The following JAZF1 variants were observed in gnomAD, a reference collection of about 807,000 sequenced individuals.
The protein encoded by JAZF1 is JAZF zinc finger 1.
A neutral mutation model predicts 26.4 loss-of-function variants in JAZF1; 8 were observed. The ratio of observed to expected loss-of-function variants is 0.30; its 90% CI spans 0.18 to 0.55. The LOEUF (loss-of-function observed/expected upper bound fraction) is 0.55, where lower values mean the gene tolerates loss of function less well. Among genes scored for constraint, JAZF1 ranks in the 20% least tolerant of loss-of-function variants. The probability of loss-of-function intolerance (pLI) is 0.94; values close to 1 mark genes in which losing one functional copy is unlikely to be tolerated. For missense variants in JAZF1, 199 were observed against 322.0 expected (o/e 0.62, Z 2.92); for synonymous variants, 126 against 122.3 (o/e 1.03, Z -0.20).
intron 2 of JAZF1, among the ~76,000 whole-genome samples, chr7:27,899,294 C>T (rs139898342): frequency 0.01 from 1,544 of 152,294 alleles, 33 homozygotes; most frequent in African/African-American, 0.035. Context: ...CCCTGTTTCA[C>T]CAAATATCAG....
At chr7:27,978,830 T>G (rs1327451771) in intron 2 of JAZF1, among the ~76,000 whole-genome samples, 2 of 151,686 alleles carry the variant, frequency 1.3e-5, no homozygotes, top group African/African-American at 4.8e-5. Context: ...AAGACCACAG[T>G]ACCCTATACT....
In JAZF1 at chr7:27,830,791, A is replaced by G. The variant is rs917520509; in HGVS notation, c.*2009T>C. On this transcript the variant is annotated 3_prime_UTR_variant, in exon 5 of 5. Coordinates refer to ENST00000283928, the MANE Select transcript of JAZF1 (RefSeq NM_175061.4). Reference sequence around the variant, plus strand: ...GTACAATACATTCACTATACACAGTATAACAAAATATTCCCATCCTTACCT... The same window carrying G: ...GTACAATACATTCACTATACACAGTGTAACAAAATATTCCCATCCTTACCT... 4 of 203,106 alleles carry G rather than the reference A, an allele frequency of 2.0e-5. No homozygotes were observed. Among genetic ancestry groups the G allele is most frequent in the Non-Finnish European group, 4.1e-5 (4 of 98,662 alleles). 12.6% of individuals were successfully genotyped at this position (203,106 alleles called of 1,614,324 possible). A position where few individuals can be genotyped will look rare whatever the true frequency, so the allele number is the denominator to read the frequency against.
At chr7:28,013,027 G>A (rs1782823395) in intron 1 of JAZF1, among the ~76,000 whole-genome samples, 1 of 152,136 alleles carries the variant, frequency 6.6e-6, no homozygotes, top group South Asian at 2.1e-4. Context: ...GAAACCTCCT[G>A]ATGGGCATTC....
chr7:28,153,529 A>G (rs1184636010), intron 1 of JAZF1, among the ~76,000 whole-genome samples: 2 of 152,204 alleles, frequency 1.3e-5, no homozygotes, highest in African/African-American at 2.4e-5. Context: ...TGACGATACC[A>G]GGAAATTCTA....
intron 2 of JAZF1, among the ~76,000 whole-genome samples, chr7:27,975,313 A>C (rs1351652001): frequency 5.9e-5 from 9 of 152,144 alleles, no homozygotes; most frequent in African/African-American, 2.2e-4. Context: ...TCATGATCTC[A>C]AGGACAGCAC....
rs559474758 is a variant in JAZF1, at chr7:27,900,700, GTCT to G, written c.189-5287_189-5285del. Among the ~76,000 whole-genome samples, 59 of 152,244 alleles carry G rather than the reference GTCT, an allele frequency of 3.9e-4. 1 individual carries two copies. The East Asian group carries it at 9.8e-3, about 25-fold the overall frequency. The stretch of plus-strand genomic sequence containing the variant: ...GAAGGAACGAAGAATGAATAAGAAA[GTCT>G]TCTTTTTTAAAATTGTAAAAAGTAA... On this transcript the variant is annotated intron_variant, in intron 2 of 4. Transcript: ENST00000283928.
chr7:28,005,144 T>C (rs552551399), intron 1 of JAZF1, among the ~76,000 whole-genome samples: 1 of 152,310 alleles, frequency 6.6e-6, no homozygotes, highest in Non-Finnish European at 1.5e-5. Flanking sequence ...ACAAGACCTT[T>C]GACTGGGAAC....
At chr7:28,008,596 A>C (rs1782743856) in intron 1 of JAZF1, among the ~76,000 whole-genome samples, 1 of 152,234 alleles carries the variant, frequency 6.6e-6, no homozygotes, top group African/African-American at 2.4e-5. Context: ...TCTGGCAAAT[A>C]ATCTCTGGGA....
At chr7:28,031,252 AG>A (rs2128374967) in intron 1 of JAZF1, among the ~76,000 whole-genome samples, 1 of 152,312 alleles carries the variant, frequency 6.6e-6, no homozygotes, top group African/African-American at 2.4e-5. Flanking sequence ...AGTCTTTAGA[AG>A]TTGATATGGG....
Position 27,840,346 on chromosome 7 carries a change from G to A in JAZF1, c.555+352C>T, listed in dbSNP as rs935912366. On this transcript the variant is annotated intron_variant, in intron 4 of 4. Transcript: ENST00000283928. The surrounding 1 kb of genome is among the most constrained non-coding windows in gnomAD (Gnocchi z 5.1). ...GGCCATCCGTTGGGGAAGGTGCTTGGCAAATAAAGTAGGTTGACATATTTG... is the reference window on the plus strand; with the variant it reads ...GGCCATCCGTTGGGGAAGGTGCTTGACAAATAAAGTAGGTTGACATATTTG... Among the ~76,000 whole-genome samples, 4 of 152,216 alleles carry A rather than the reference G, an allele frequency of 2.6e-5. No homozygotes were observed. Among genetic ancestry groups the A allele is most frequent in the African/African-American group, 9.6e-5 (4 of 41,452 alleles).
intron 1 of JAZF1, among the ~76,000 whole-genome samples, chr7:28,066,652 G>A (rs181967468): frequency 2.0e-5 from 3 of 151,012 alleles, no homozygotes; most frequent in Admixed American, 1.3e-4. Flanking sequence ...AACAAAAGGT[G>A]GGAACCATCA....
At chr7:27,863,316 G>A (rs73083363) in intron 3 of JAZF1, among the ~76,000 whole-genome samples, 11,451 of 152,174 alleles carry the variant, frequency 0.075, 632 homozygotes, top group Middle Eastern at 0.12. Flanking sequence ...ATTAGAGACC[G>A]GTGGCTATAA....
chr7:27,995,107 C>G (rs1479037279), intron 1 of JAZF1, among the ~76,000 whole-genome samples: 2 of 152,190 alleles, frequency 1.3e-5, no homozygotes, highest in Non-Finnish European at 2.9e-5. Context: ...TTTCCTTATA[C>G]CATGCCACAT....
chr7:28,013,971 T>A (rs540158883), intron 1 of JAZF1, among the ~76,000 whole-genome samples: 2 of 151,454 alleles, frequency 1.3e-5, no homozygotes, highest in East Asian at 3.9e-4. Context: ...CAAGAAAAAA[T>A]TTTCCAAAAG....
chr7:28,009,291 ATC>A (rs1256778117), intron 1 of JAZF1, among the ~76,000 whole-genome samples: 3 of 151,860 alleles, frequency 2.0e-5, no homozygotes, highest in Non-Finnish European at 4.4e-5. Context: ...CTGCCTGTCA[ATC>A]TCTCCTCCCT....
chr7:27,857,991 G>A (rs1189824292), intron 3 of JAZF1, among the ~76,000 whole-genome samples: 10 of 152,178 alleles, frequency 6.6e-5, no homozygotes, highest in Admixed American at 4.6e-4. Context: ...TGTATATTTA[G>A]AAAACCCCAA....
chr7:28,092,326 A>AAAAAAAAAAAT (rs1562584279), intron 1 of JAZF1, among the ~76,000 whole-genome samples: 2 of 132,506 alleles, frequency 1.5e-5, no homozygotes, highest in Non-Finnish European at 3.2e-5. Flanking sequence ...AAAAAAAAAA[A>AAAAAAAAAAAT]CAACTAATGT....
At chr7:28,120,890 A>AC (rs1782591700) in intron 1 of JAZF1, among the ~76,000 whole-genome samples, 1 of 151,610 alleles carries the variant, frequency 6.6e-6, no homozygotes, top group Non-Finnish European at 1.5e-5. Flanking sequence ...CCCAGATATT[A>AC]CCCCCACGCC....
chr7:28,071,787 A>G, intron 1 of JAZF1: 2 of 374,136 alleles, frequency 5.3e-6, no homozygotes, highest in South Asian at 4.2e-5. Context: ...CAGAGGAGGA[A>G]GCTGCTTTCG....
Sources: gnomAD v4.1 joint callset for allele counts (sites outside exome capture counted in the v4.1 genomes callset) on GRCh38, gnomAD v4.1.1 for gene constraint, Gnocchi (gnomAD v3.1) non-coding constraint, MANE v1.5 for transcripts, NCBI Gene and HGNC (gene_info 2026-07-23, HGNC 2026-07-21) for gene names.